The following KANSL1 variants were observed in gnomAD, a reference collection of about 807,000 sequenced individuals.
The protein encoded by KANSL1 is KAT8 regulatory NSL complex subunit 1.
KANSL1 carries 22 observed loss-of-function variants against 103.6 expected under a neutral mutation model. The ratio of observed to expected loss-of-function variants is 0.21; its 90% CI spans 0.15 to 0.30. The LOEUF (loss-of-function observed/expected upper bound fraction) is 0.30. Ranked by LOEUF, KANSL1 falls within the 10% of genes least tolerant of loss-of-function variation. The probability of loss-of-function intolerance (pLI) is 1.00; values close to 1 mark genes in which losing one functional copy is unlikely to be tolerated. For missense variants in KANSL1, 1,337 were observed against 1,399.8 expected (o/e 0.96, Z 0.72); for synonymous variants, 600 against 527.6 (o/e 1.14, Z -1.88).
Position 46,033,555 on chromosome 17 carries a change from T to C in KANSL1, c.2667-95A>G, listed in dbSNP as rs2077069486. ...CATGCAAGGATGAGAATCCTGCACCTGTGGGTGACACTGCTCTCTGCCGGG... is the reference window on the plus strand; with the variant it reads ...CATGCAAGGATGAGAATCCTGCACCCGTGGGTGACACTGCTCTCTGCCGGG... On this transcript the variant is annotated intron_variant, in intron 11 of 14. Coordinates refer to ENST00000432791, the MANE Select transcript of KANSL1 (RefSeq NM_015443.4). 39 of 983,548 alleles carry C rather than the reference T, an allele frequency of 4.0e-5. No individual in the cohort carries two copies. In the East Asian group the frequency reaches 9.5e-4, roughly 24 times the overall value. 60.9% of individuals were successfully genotyped at this position (983,548 alleles called of 1,614,324 possible). A position where few individuals can be genotyped will look rare whatever the true frequency, so the allele number is the denominator to read the frequency against.
At chr17:46,176,858 A>G (rs1239291357) in intron 1 of KANSL1, among the ~76,000 whole-genome samples, 16 of 152,072 alleles carry the variant, frequency 1.1e-4, no homozygotes, top group Non-Finnish European at 2.9e-5. Context: ...TACTAAAACA[A>G]TCATCTAAGT....
chr17:46,094,653 G>C lies in KANSL1; in HGVS notation c.1338C>G (p.Val446=). 1 of 1,614,160 alleles carries C rather than the reference G, an allele frequency of 6.2e-7. No homozygotes were observed. The highest frequency in any genetic ancestry group is 8.5e-7 in the Non-Finnish European group (1 of 1,180,052). The change falls in exon 3 of 15, where the codon GTC becomes GTG. Residue 446 remains valine, a synonymous_variant. Coordinates refer to ENST00000432791, the MANE Select transcript of KANSL1 (RefSeq NM_015443.4). ...WKWAADRAAI[V]SRWNWLQAHV... The stretch of plus-strand genomic sequence containing the variant: ...GAGCCTGAAGCCAGTTCCAGCGGCT[G>C]ACAATAGCTGCCCGGTCTGCAGCCC...
At chr17:46,196,420 C>T, upstream of KANSL1, 1 of 456,256 alleles carries the variant, frequency 2.2e-6, no homozygotes, top group South Asian at 1.5e-5. Context: ...CAAAAGAGAA[C>T]TGTGAGAAAA....
intron 4 of KANSL1, among the ~76,000 whole-genome samples, chr17:46,072,956 T>C (rs1035944777): frequency 5.3e-5 from 8 of 152,234 alleles, no homozygotes; most frequent in African/African-American, 1.9e-4. Flanking sequence ...TAAATTCTTA[T>C]TGTTCAACTT....
intron 7 of KANSL1, chr17:46,043,570 G>A (rs1232845447): frequency 6.6e-6 from 1 of 152,192 alleles, no homozygotes; most frequent in East Asian, 1.9e-4. Context: ...TTGTACTGGA[G>A]ACCTCAGATT....
At chr17:46,122,201 CAG>C (rs1015892758) in intron 2 of KANSL1, among the ~76,000 whole-genome samples, 5 of 152,188 alleles carry the variant, frequency 3.3e-5, no homozygotes, top group Admixed American at 1.3e-4. Flanking sequence ...TCTGGAAACA[CAG>C]AAGTTCCTTT....
At chr17:46,210,472 C>CAA (rs1185499581) in intron 1 of KANSL1, among the ~76,000 whole-genome samples, 1 of 2,566 alleles carries the variant, frequency 3.9e-4, no homozygotes. Context: ...GACTCTGTCT[C>CAA]AAAAAAAAAA....
chr17:46,182,697 T>C (rs2046847691), intron 1 of KANSL1, among the ~76,000 whole-genome samples: 1 of 152,246 alleles, frequency 6.6e-6, no homozygotes, highest in Admixed American at 6.5e-5. Context: ...ATCTTCACAA[T>C]AACAATGTAA....
At chr17:46,178,755 T>C (rs1047860447) in intron 1 of KANSL1, among the ~76,000 whole-genome samples, 6 of 152,254 alleles carry the variant, frequency 3.9e-5, no homozygotes, top group Admixed American at 2.0e-4. Context: ...TGCATCATAC[T>C]GAATATGCAA....
chr17:46,038,975 A>G, intron 9 of KANSL1, 52 bp downstream of exon 9: 1 of 1,577,202 alleles, frequency 6.3e-7, no homozygotes, highest in Non-Finnish European at 8.6e-7. Context: ...CTGCCCCAGA[A>G]AGCCCTGAGC....
At chr17:46,111,825 G>C (rs181517806) in intron 2 of KANSL1, among the ~76,000 whole-genome samples, 3 of 152,302 alleles carry the variant, frequency 2.0e-5, no homozygotes, top group Admixed American at 2.0e-4. Context: ...AAAGACTTTA[G>C]CATAATCACT....
intron 1 of KANSL1, among the ~76,000 whole-genome samples, chr17:46,217,613 G>A (rs549725760): frequency 1.1e-4 from 17 of 152,216 alleles, no homozygotes; most frequent in African/African-American, 3.6e-4. Flanking sequence ...GGGAGGCTGG[G>A]CGCCGTGGCT....
intron 1 of KANSL1, among the ~76,000 whole-genome samples, chr17:46,182,463 G>T (rs191577842): frequency 6.6e-6 from 1 of 152,218 alleles, no homozygotes; most frequent in South Asian, 2.1e-4. Flanking sequence ...CAATGGGGAA[G>T]GAGAGACAAA....
chr17:46,192,126 T>C (rs974896915), intron 1 of KANSL1, among the ~76,000 whole-genome samples: 13 of 152,156 alleles, frequency 8.5e-5, no homozygotes, highest in African/African-American at 2.2e-4. Flanking sequence ...TAAATCCACA[T>C]TGGGATTCCA....
intron 1 of KANSL1, among the ~76,000 whole-genome samples, chr17:46,209,504 G>GT (rs1242741571): frequency 6.6e-6 from 1 of 152,062 alleles, no homozygotes; most frequent in Non-Finnish European, 1.5e-5. Context: ...TTTTGTTGTT[G>GT]TTTTTTTGAG....
At chr17:46,061,476 C>T (rs949800014) in intron 6 of KANSL1, among the ~76,000 whole-genome samples, 3 of 152,034 alleles carry the variant, frequency 2.0e-5, no homozygotes, top group African/African-American at 7.3e-5. Context: ...TCTTCATTCA[C>T]TTAGATAATT....
At chr17:46,125,406 T>G (rs191371915) in intron 2 of KANSL1, among the ~76,000 whole-genome samples, 537 of 152,314 alleles carry the variant, frequency 3.5e-3, no homozygotes, top group Non-Finnish European at 5.9e-3. Context: ...TCTCTCACTT[T>G]AGTGTGATAT....
At chr17:46,080,405 G>T (rs1423839439) in intron 4 of KANSL1, among the ~76,000 whole-genome samples, 1 of 149,866 alleles carries the variant, frequency 6.7e-6, no homozygotes, top group Admixed American at 6.7e-5. Context: ...GTTACATGTG[G>T]GTATGAAAAC....
chr17:46,219,920 G>A (rs1436851109), intron 1 of KANSL1, among the ~76,000 whole-genome samples: 5 of 152,034 alleles, frequency 3.3e-5, no homozygotes, highest in African/African-American at 4.8e-5. Context: ...TGGCTAACAC[G>A]GTGAAACTCC....
Sources: gnomAD v4.1 joint callset for allele counts (sites outside exome capture counted in the v4.1 genomes callset) on GRCh38, gnomAD v4.1.1 for gene constraint, MANE v1.5 for transcripts, NCBI Gene and HGNC (gene_info 2026-07-23, HGNC 2026-07-21) for gene names.